The following CNTN5 variants were observed in gnomAD, a reference collection of about 807,000 sequenced individuals.
The protein encoded by CNTN5 is contactin 5.
CNTN5 carries 77 observed loss-of-function variants against 129.1 expected under a neutral mutation model. The observed-to-expected ratio is 0.60, with a 90% CI of 0.50 to 0.72. The LOEUF (loss-of-function observed/expected upper bound fraction) is 0.72. Ranked by LOEUF, CNTN5 falls within the 30% of genes least tolerant of loss-of-function variation. The pLI is 0.00. For missense variants in CNTN5, 1,478 were observed against 1,328.8 expected (o/e 1.11, Z -1.75); for synonymous variants, 509 against 465.6 (o/e 1.09, Z -1.20).
intron 13 of CNTN5, among the ~76,000 whole-genome samples, chr11:100,144,457 G>A (rs767243743): frequency 3.3e-5 from 5 of 151,884 alleles, no homozygotes; most frequent in East Asian, 1.9e-4. Flanking sequence ...TCCCACCTAC[G>A]AGAACATGTG....
chr11:100,271,510 A>G (rs540492217), intron 18 of CNTN5, among the ~76,000 whole-genome samples: 2 of 152,316 alleles, frequency 1.3e-5, no homozygotes, highest in South Asian at 4.1e-4. Context: ...CATGAAATTA[A>G]AGCAGTTCAT....
At position 99,660,595 on chromosome 11, in the gene CNTN5, G is replaced by T. The variant is rs573372287; in HGVS notation, c.55+104326G>T. 2.0e-5 allele frequency among the ~76,000 whole-genome samples: 3 copies of T among 152,254 alleles called. No individual in the cohort carries two copies. In the East Asian group the frequency reaches 5.8e-4, roughly 29 times the overall value. On this transcript the variant is annotated intron_variant, in intron 3 of 24. Coordinates refer to ENST00000524871, the MANE Select transcript of CNTN5 (RefSeq NM_014361.4). Reference sequence around the variant, plus strand: ...GGGTAGTAACAGGGGATCATGGAAAGAAAGAAATGGATTAAGGATTTATGT... The same window carrying T: ...GGGTAGTAACAGGGGATCATGGAAATAAAGAAATGGATTAAGGATTTATGT...
chr11:99,230,198 A>C (rs1478964684), intron 1 of CNTN5, among the ~76,000 whole-genome samples: 1 of 152,072 alleles, frequency 6.6e-6, no homozygotes, highest in African/African-American at 2.4e-5. Context: ...TTATATAATT[A>C]GAAAGACTAC....
intron 7 of CNTN5, among the ~76,000 whole-genome samples, chr11:99,918,267 A>G (rs1389920702): frequency 6.6e-6 from 1 of 152,154 alleles, no homozygotes; most frequent in Admixed American, 6.6e-5. Context: ...ATCACAATAT[A>G]GATCCAACTC....
intron 9 of CNTN5, among the ~76,000 whole-genome samples, chr11:100,035,328 C>T (rs1454245669): frequency 8.8e-5 from 13 of 147,746 alleles, no homozygotes; most frequent in Non-Finnish European, 1.5e-4. Context: ...GCATAGTATT[C>T]CATGATGTAT....
rs1398716528 is a variant in CNTN5, at chr11:100,162,363, A to AACATTG, written c.1581-28763_1581-28762insACATTG. Among the ~76,000 whole-genome samples, 5 of 151,944 alleles carry AACATTG rather than the reference A, an allele frequency of 3.3e-5. No homozygotes were observed. The East Asian group carries it at 9.7e-4, about 29-fold the overall frequency. On this transcript the variant is annotated intron_variant, in intron 13 of 24. Transcript: ENST00000524871. ...TTATTCTATTCACTAAACAGAACTAACTAGCAATGTTTTGTTAGCCTAATA... is the reference window on the plus strand; with the variant it reads ...TTATTCTATTCACTAAACAGAACTAAACATTGCTAGCAATGTTTTGTTAGCCTAATA...
At chr11:100,012,582 G>A (rs1940594200) in intron 9 of CNTN5, among the ~76,000 whole-genome samples, 1 of 152,148 alleles carries the variant, frequency 6.6e-6, no homozygotes, top group Admixed American at 6.6e-5. Context: ...CCTAGAACTA[G>A]TTAACCTGCC....
At chr11:99,266,451 A>T (rs1334527841) in intron 1 of CNTN5, among the ~76,000 whole-genome samples, 1 of 151,990 alleles carries the variant, frequency 6.6e-6, no homozygotes. Flanking sequence ...ATTTTTTAAA[A>T]GTTATCCAGG....
chr11:99,556,553 A>AT (rs1948671558), intron 3 of CNTN5, among the ~76,000 whole-genome samples: 1 of 94,856 alleles, frequency 1.1e-5, no homozygotes, highest in Non-Finnish European at 2.0e-5. Flanking sequence ...GAAGGCTTGG[A>AT]AATATATATA....
chr11:99,652,491 A>G (rs1200708747), intron 3 of CNTN5, among the ~76,000 whole-genome samples: 2 of 152,044 alleles, frequency 1.3e-5, no homozygotes, highest in African/African-American at 2.4e-5. Flanking sequence ...AGCTGTGTCC[A>G]CCGGAAAGCG....
At chr11:99,924,601 G>C (rs1020054588) in intron 7 of CNTN5, among the ~76,000 whole-genome samples, 1 of 151,948 alleles carries the variant, frequency 6.6e-6, no homozygotes, top group Admixed American at 6.6e-5. Context: ...TGGTCTATGT[G>C]TACCAGTACT....
chr11:100,057,182 G>C (rs1187137713), intron 9 of CNTN5, among the ~76,000 whole-genome samples: 1 of 147,568 alleles, frequency 6.8e-6, no homozygotes, highest in Non-Finnish European at 1.5e-5. Context: ...AGTATAATAG[G>C]AATTATATAT....
At chr11:99,946,833 G>A (rs1036266852) in intron 7 of CNTN5, among the ~76,000 whole-genome samples, 31 of 151,772 alleles carry the variant, frequency 2.0e-4, no homozygotes, top group African/African-American at 7.0e-4. Flanking sequence ...TTATTTTACA[G>A]CTATGCAAAT....
Position 100,271,373 on chromosome 11 carries a change from A to C in CNTN5, c.2314+132A>C, listed in dbSNP as rs1950405348. ...CTGATTCATTTACCTAAACATCATAAAATTATTTTCTTTAAAATAATTATT... is the reference window on the plus strand; with the variant it reads ...CTGATTCATTTACCTAAACATCATACAATTATTTTCTTTAAAATAATTATT... On this transcript the variant is annotated intron_variant, in intron 18 of 24. Coordinates refer to ENST00000524871, the MANE Select transcript of CNTN5 (RefSeq NM_014361.4). 1.6e-5 allele frequency: 8 copies of C among 512,240 alleles called. No homozygotes were observed. In the East Asian group the frequency reaches 2.0e-4, roughly 13 times the overall value. 31.7% of individuals were successfully genotyped at this position (512,240 alleles called of 1,614,324 possible).
intron 9 of CNTN5, among the ~76,000 whole-genome samples, chr11:100,048,194 C>G (rs1045888432): frequency 6.6e-6 from 1 of 152,124 alleles, no homozygotes; most frequent in Admixed American, 6.5e-5. Flanking sequence ...TCCGTCTTCT[C>G]CTACCATCAG....
intron 3 of CNTN5, among the ~76,000 whole-genome samples, chr11:99,573,968 C>T (rs979614565): frequency 2.0e-5 from 3 of 152,030 alleles, no homozygotes; most frequent in African/African-American, 2.4e-5. Flanking sequence ...AGGTTTGTTA[C>T]GTAAGTATAC....
intron 1 of CNTN5, among the ~76,000 whole-genome samples, chr11:99,167,972 G>A (rs1239630641): frequency 6.7e-6 from 1 of 149,722 alleles, no homozygotes; most frequent in Non-Finnish European, 1.5e-5. Context: ...ATGTCAATCT[G>A]TTCCCCAGGC....
At chr11:99,323,995 A>G (rs1007223621) in intron 1 of CNTN5, among the ~76,000 whole-genome samples, 2 of 152,206 alleles carry the variant, frequency 1.3e-5, no homozygotes, top group Non-Finnish European at 2.9e-5. Flanking sequence ...CACAATTTGT[A>G]TACTACAATA....
intron 2 of CNTN5, among the ~76,000 whole-genome samples, chr11:99,362,139 CTATTT>C (rs1211708632): frequency 3.3e-5 from 5 of 151,876 alleles, no homozygotes; most frequent in Non-Finnish European, 5.9e-5. Context: ...ATGTTATATT[CTATTT>C]TATTTTATAT....
Sources: allele counts gnomAD v4.1 joint callset (sites outside exome capture counted in the v4.1 genomes callset), GRCh38; gene constraint gnomAD v4.1.1; transcripts MANE v1.5; gene names NCBI Gene and HGNC (gene_info 2026-07-23, HGNC 2026-07-21).